PHF21B: variants seen among roughly 807,000 people sequenced by gnomAD.
PHF21B encodes the protein PHD finger protein 21B.
A neutral mutation model predicts 62.2 loss-of-function variants in PHF21B; 22 were observed. The ratio of observed to expected loss-of-function variants is 0.35; its 90% CI spans 0.25 to 0.51. The LOEUF is 0.51. PHF21B is among the 20% of genes least tolerant of loss of function. PHF21B has a pLI of 0.97. For missense variants in PHF21B, 701 were observed against 707.9 expected, an observed-to-expected ratio of 0.99 and a Z score of 0.11; for synonymous variants, 341 against 314.7, an observed-to-expected ratio of 1.08 and a Z score of -0.88.
intron 5 of PHF21B, among the ~76,000 whole-genome samples, chr22:44,909,096 C>G (rs971909151): frequency 6.6e-6 from 1 of 152,220 alleles, no homozygotes; most frequent in Non-Finnish European, 1.5e-5. Context: ...CTGCGCCTGG[C>G]CTTGGTCCTC....
chr22:44,890,882 T>C (rs1352734005), intron 8 of PHF21B, among the ~76,000 whole-genome samples: 1 of 152,216 alleles, frequency 6.6e-6, no homozygotes, highest in Non-Finnish European at 1.5e-5. Flanking sequence ...CTGTCCAGCC[T>C]GTGCTCTTCC....
At chr22:44,948,204 T>G (rs1203573328) in intron 2 of PHF21B, among the ~76,000 whole-genome samples, 3 of 152,204 alleles carry the variant, frequency 2.0e-5, no homozygotes, top group African/African-American at 7.2e-5. Flanking sequence ...ATTATTACAT[T>G]GTAATAGATA....
chr22:44,966,189 C>A (rs1420258678), intron 2 of PHF21B, among the ~76,000 whole-genome samples: 1 of 152,222 alleles, frequency 6.6e-6, no homozygotes, highest in East Asian at 1.9e-4. Flanking sequence ...CCTAGACAGG[C>A]TCCGGGGCCC....
chr22:44,964,920 C>T (rs985135817), intron 2 of PHF21B, among the ~76,000 whole-genome samples: 1 of 152,158 alleles, frequency 6.6e-6, no homozygotes, highest in African/African-American at 2.4e-5. Context: ...CCGGGCAGCA[C>T]CTTAACATCT....
chr22:44,998,682 T>C (rs1358405737), intron 2 of PHF21B, among the ~76,000 whole-genome samples: 1 of 152,150 alleles, frequency 6.6e-6, no homozygotes, highest in African/African-American at 2.4e-5. Context: ...ACTCAGTAGT[T>C]TCTGTATCAA....
At chr22:45,005,357 G>A (rs1372843515) in intron 2 of PHF21B, among the ~76,000 whole-genome samples, 1 of 152,042 alleles carries the variant, frequency 6.6e-6, no homozygotes, top group Non-Finnish European at 1.5e-5. Context: ...ACTATCCTAT[G>A]CCTCATTTTT....
At chr22:44,888,705 C>T (rs1322932879) in intron 9 of PHF21B, among the ~76,000 whole-genome samples, 1 of 152,218 alleles carries the variant, frequency 6.6e-6, no homozygotes, top group African/African-American at 2.4e-5. Flanking sequence ...TGGGATGGCC[C>T]GTGCCACAAG....
At chr22:44,901,666 G>T in intron 5 of PHF21B, 1 of 524,150 alleles carries the variant, frequency 1.9e-6, no homozygotes. Context: ...GGTGAAAAGG[G>T]GGAACCTCAA....
intron 2 of PHF21B, among the ~76,000 whole-genome samples, chr22:44,929,075 TTTAA>T (rs1190131624): frequency 3.9e-5 from 6 of 152,372 alleles, no homozygotes; most frequent in African/African-American, 1.4e-4. Flanking sequence ...AGCACGGCAA[TTTAA>T]TTGCTTCTCG....
chr22:44,941,809 T>TG (rs1039803588), intron 2 of PHF21B, among the ~76,000 whole-genome samples: 12 of 152,054 alleles, frequency 7.9e-5, no homozygotes, highest in East Asian at 1.9e-4. Context: ...GGGCACAGGC[T>TG]GGGGGGGCCA....
intron 2 of PHF21B, among the ~76,000 whole-genome samples, chr22:44,945,854 T>C (rs890152553): frequency 2.0e-5 from 3 of 152,080 alleles, no homozygotes; most frequent in African/African-American, 4.8e-5. Flanking sequence ...CCAGAACTCT[T>C]TGGGCCTCAG....
At chr22:44,931,643 G>C (rs5845682) in intron 2 of PHF21B, among the ~76,000 whole-genome samples, 1 of 52,702 alleles carries the variant, frequency 1.9e-5, no homozygotes, top group Non-Finnish European at 5.4e-5. Flanking sequence ...GTGATCTTGG[G>C]GGGGGGGTGT....
chr22:44,955,753 G>A (rs569036259), intron 2 of PHF21B, among the ~76,000 whole-genome samples: 2 of 152,238 alleles, frequency 1.3e-5, no homozygotes, highest in African/African-American at 4.8e-5. Flanking sequence ...TGGATCACGG[G>A]ACTTCTCAGC....
At chr22:44,989,242 C>T (rs1234430098) in intron 2 of PHF21B, 1 of 152,290 alleles carries the variant, frequency 6.6e-6, no homozygotes, top group Non-Finnish European at 1.5e-5. Flanking sequence ...AAACCCCGGA[C>T]TCAAGGAACA....
chr22:45,005,325 C>G (rs2073295429), intron 2 of PHF21B, among the ~76,000 whole-genome samples: 1 of 152,218 alleles, frequency 6.6e-6, no homozygotes, highest in Admixed American at 6.5e-5. Flanking sequence ...TGGGCCTGGC[C>G]ACAACTCATC....
chr22:44,884,122 T>TCACCACCATCACCACCAC lies in PHF21B; in HGVS notation c.1378-819_1378-818insGTGGTGGTGATGGTGGTG, dbSNP rs60606161. 1.4e-3 allele frequency among the ~76,000 whole-genome samples: 29 copies of TCACCACCATCACCACCAC among 21,432 alleles called. 1 individual carries two copies. The highest frequency in any genetic ancestry group is 5.1e-3 in the African/African-American group (22 of 4,290). The allele number at this position is 21,432 out of a possible 152,430, so 14.1% of individuals were successfully genotyped here. A position where few individuals can be genotyped will look rare whatever the true frequency, so the allele number is the denominator to read the frequency against. Reference sequence around the variant, plus strand: ...ATCACTGTGATCAGCACCATCACCATCATGATCACCATTATCACCACCACC... The same window carrying TCACCACCATCACCACCAC: ...ATCACTGTGATCAGCACCATCACCATCACCACCATCACCACCACCATGATCACCATTATCACCACCACC... On this transcript the variant is annotated intron_variant, in intron 12 of 12. Transcript: ENST00000313237.
At chr22:45,008,415 G>T in intron 2 of PHF21B, 130 bp downstream of exon 2, 1 of 821,270 alleles carries the variant, frequency 1.2e-6, no homozygotes, top group South Asian at 3.3e-5. Context: ...GGGGAACTTT[G>T]AGAACTGGAG....
chr22:44,885,611 GA>G, intron 11 of PHF21B, 82 bp from the exon 12 acceptor site: 1 of 1,365,766 alleles, frequency 7.3e-7, no homozygotes, highest in Non-Finnish European at 1.0e-6. Flanking sequence ...AGGCAGAAGG[GA>G]TGAAACCAAG....
chr22:44,989,004 T>C (rs191549009), intron 2 of PHF21B: 129 of 152,260 alleles, frequency 8.5e-4, no homozygotes, highest in African/African-American at 3.0e-3. Flanking sequence ...TATGAGGGTG[T>C]AGCCCTGGGG....
Sources: allele counts gnomAD v4.1 joint callset (sites outside exome capture counted in the v4.1 genomes callset), GRCh38; gene constraint gnomAD v4.1.1; transcripts MANE v1.5; gene names NCBI Gene and HGNC (gene_info 2026-07-23, HGNC 2026-07-21).